CCNJ: variants seen among roughly 807,000 people sequenced by gnomAD.
CCNJ encodes the protein cyclin-J.
In CCNJ, 12 loss-of-function variants were observed where a neutral mutation model predicts 41.4. The observed-to-expected ratio is 0.29, with a 90% CI of 0.19 to 0.47. CCNJ has a LOEUF of 0.47. CCNJ is among the 20% of genes least tolerant of loss of function. The pLI is 1.00. For synonymous variants in CCNJ, 161 were observed against 173.4 expected (o/e 0.93, Z 0.56); for missense variants, 340 against 464.6 (o/e 0.73, Z 2.47).
chr10:96,047,375 G>T (rs1424763600), intron 2 of CCNJ, among the ~76,000 whole-genome samples: 1 of 152,176 alleles, frequency 6.6e-6, no homozygotes, highest in African/African-American at 2.4e-5. Flanking sequence ...GGCCAGGCAT[G>T]GTGGCTCACA....
rs1397694649 is a variant in CCNJ, at chr10:96,058,024, A to C, written c.935A>C (p.Gln312Pro). 1 of 1,614,142 alleles carries C rather than the reference A, an allele frequency of 6.2e-7. No homozygotes were observed. Among genetic ancestry groups the C allele is most frequent in the South Asian group, 1.1e-5 (1 of 91,088 alleles). The change falls in exon 6 of 6, where the codon CAG (glutamine) becomes CCG (proline). Residue 312 changes from glutamine to proline, a missense_variant. Physicochemically the swap from Gln to Pro is moderately conservative, Grantham distance 76. Around this residue, in one of 3 missense-constraint regions of CCNJ, gnomAD observed 159 missense variants for 168.2 expected, o/e 0.95. Coordinates refer to ENST00000465148, the MANE Select transcript of CCNJ (RefSeq NM_001134375.2). ...RHPTSEQPSC[Q>P]QIVSTTHTSS... is the part of the protein sequence containing the mutation. ...CCTACGTCAGAACAACCAAGCTGTC[A>C]GCAGATTGTATCGACCACACACACC...
chr10:96,057,004 G>T lies in CCNJ; in HGVS notation c.580+4G>T. ...TTCCTGGAAGTATCTTTGCAAGGTG[G>T]GTTGTTGTGAATACCAGTAAGTGAC... is the stretch of plus-strand genomic sequence containing the variant. On this transcript the variant is annotated splice_donor_region_variant and intron_variant, in intron 4 of 5. Transcript: ENST00000465148. 6.2e-7 allele frequency: 1 copy of T among 1,613,198 alleles called. No homozygotes were observed. Among genetic ancestry groups the T allele is most frequent in the East Asian group, 2.2e-5 (1 of 44,870 alleles).
upstream of CCNJ, chr10:96,043,295 C>G (rs1165774800): frequency 7.0e-6 from 2 of 286,576 alleles, no homozygotes; most frequent in African/African-American, 2.2e-5. Context: ...CTCCGGCGCT[C>G]TCTGCCGACC....
intron 2 of CCNJ, 32 bp downstream of exon 2, chr10:96,044,494 C>G: frequency 1.4e-6 from 2 of 1,436,968 alleles, no homozygotes; most frequent in South Asian, 2.9e-5. Context: ...CCTTCTCCTT[C>G]TGTGTGTCGC....
At chr10:96,044,001 G>A (rs1049090784) in intron 1 of CCNJ, among the ~76,000 whole-genome samples, 1 of 152,186 alleles carries the variant, frequency 6.6e-6, no homozygotes, top group Non-Finnish European at 1.5e-5. Context: ...GCTCCTCAGG[G>A]AGGGCGGGAG....
rs899860933 is a variant in CCNJ at position 96,056,235 on chromosome 10, G to A, written c.281-466G>A. ...GAGGCAGGAGAATGGCGTGAACCCG[G>A]GAGGTGGAGCTTGCAGTGAGCCGAG... On this transcript the variant is annotated intron_variant, in intron 3 of 5. Coordinates refer to ENST00000465148, the MANE Select transcript of CCNJ (RefSeq NM_001134375.2). Among the ~76,000 whole-genome samples the A allele has an allele frequency of 3.9e-5, 6 of 151,946 alleles. No individual in the cohort carries two copies. The East Asian group carries it at 5.8e-4, about 15-fold the overall frequency.
chr10:96,053,960 T>TA (rs1214387819), intron 3 of CCNJ, among the ~76,000 whole-genome samples: 1 of 152,138 alleles, frequency 6.6e-6, no homozygotes, highest in Non-Finnish European at 1.5e-5. Context: ...TACTTAGTAA[T>TA]AAAAAAATAG....
Position 96,058,370 on chromosome 10 carries a change from G to C in CCNJ, c.*129G>C. The C allele has an allele frequency of 2.8e-6, 2 of 702,846 alleles. No individual in the cohort carries two copies. The highest frequency in any genetic ancestry group is 2.6e-5 in the East Asian group (1 of 38,498). The allele number at this position is 702,846 out of a possible 1,614,324, so 43.5% of individuals were successfully genotyped here. ...CAGAACTCTTCAGGTACCAGCACCA[G>C]GAAGACTGAATATCCTTTTTAATGC... On this transcript the variant is annotated 3_prime_UTR_variant, in exon 6 of 6. Transcript: ENST00000465148.
chr10:96,049,408 G>GT (rs2080454056), intron 2 of CCNJ, among the ~76,000 whole-genome samples: 1 of 149,874 alleles, frequency 6.7e-6, no homozygotes, highest in Non-Finnish European at 1.5e-5. Context: ...CTTTTACTCT[G>GT]TTGATAGCAT....
rs969307887 is a variant in CCNJ, at chr10:96,059,163, G to T, written c.*922G>T. On this transcript the variant is annotated 3_prime_UTR_variant, in exon 6 of 6. Transcript: ENST00000465148. ...TTTTGCATATCTCAGTGCAATCCATGATTTATACTCAGAATCGACATTCTT... is the reference window on the plus strand; with the variant it reads ...TTTTGCATATCTCAGTGCAATCCATTATTTATACTCAGAATCGACATTCTT... 3.3e-5 allele frequency: 5 copies of T among 152,580 alleles called. No homozygotes were observed. Among genetic ancestry groups the T allele is most frequent in the African/African-American group, 1.2e-4 (5 of 41,440 alleles). 9.5% of individuals were successfully genotyped at this position (152,580 alleles called of 1,614,324 possible).
At chr10:96,046,738 A>G (rs1275069330) in intron 2 of CCNJ, among the ~76,000 whole-genome samples, 2 of 152,194 alleles carry the variant, frequency 1.3e-5, no homozygotes, top group East Asian at 1.9e-4. Flanking sequence ...GAAAATGACA[A>G]TGAATGGAAA....
intron 3 of CCNJ, 117 bp downstream of exon 3, chr10:96,050,583 C>G: frequency 1.4e-6 from 1 of 740,322 alleles, no homozygotes; most frequent in African/African-American, 1.8e-5. Context: ...TCACTAGTAT[C>G]AAGAAGCTTA....
chr10:96,050,927 C>T (rs2080503632), intron 3 of CCNJ, among the ~76,000 whole-genome samples: 1 of 152,148 alleles, frequency 6.6e-6, no homozygotes, highest in Admixed American at 6.5e-5. Flanking sequence ...GCATCTAGTA[C>T]ATAGAGGCCT....
At chr10:96,057,727 G>A in intron 5 of CCNJ, 103 bp from the exon 6 acceptor site, 5 of 976,752 alleles carry the variant, frequency 5.1e-6, no homozygotes, top group Middle Eastern at 3.1e-4. Flanking sequence ...TACCTGGGTA[G>A]TGGTGGTGGA....
At chr10:96,052,878 G>C (rs1468346182) in intron 3 of CCNJ, among the ~76,000 whole-genome samples, 2 of 152,172 alleles carry the variant, frequency 1.3e-5, no homozygotes, top group Non-Finnish European at 2.9e-5. Context: ...CTCCTCCCAA[G>C]TAGCAAGTTG....
rs771602499 is a variant in CCNJ, at chr10:96,056,693, C to T, written c.281-8C>T. ...TTTCTCTCCCCTCCCATCCCCTTTTCTTATAAGGTAAATTTGAAGAAAAAG... is the reference window on the plus strand; with the variant it reads ...TTTCTCTCCCCTCCCATCCCCTTTTTTTATAAGGTAAATTTGAAGAAAAAG... On this transcript the variant is annotated splice_polypyrimidine_tract_variant and splice_region_variant and intron_variant, in intron 3 of 5. Coordinates refer to ENST00000465148, the MANE Select transcript of CCNJ (RefSeq NM_001134375.2). The T allele has an allele frequency of 6.4e-7, 1 of 1,573,662 alleles. No homozygotes were observed. Among genetic ancestry groups the T allele is most frequent in the Non-Finnish European group, 8.6e-7 (1 of 1,162,374 alleles).
chr10:96,057,975 C>G lies in CCNJ; in HGVS notation c.886C>G (p.Gln296Glu). The change falls in exon 6 of 6, where the codon CAG (glutamine) becomes GAG (glutamate). Residue 296 changes from glutamine to glutamate, a missense_variant. Coordinates refer to ENST00000465148, the MANE Select transcript of CCNJ (RefSeq NM_001134375.2). ...ACCTCAGTATCTCCATCAGACACAT[C>G]AGACCTCACTGCAGTATCGCCATCC... is the stretch of plus-strand genomic sequence containing the variant. ...QQPQYLHQTHQTSLQYRHPTS... is the reference protein window; with the variant it reads ...QQPQYLHQTHETSLQYRHPTS... 6.2e-7 allele frequency: 1 copy of G among 1,614,192 alleles called. No homozygotes were observed. Among genetic ancestry groups the G allele is most frequent in the Non-Finnish European group, 8.5e-7 (1 of 1,180,042 alleles).
intron 2 of CCNJ, among the ~76,000 whole-genome samples, chr10:96,045,231 A>G (rs2142023270): frequency 6.6e-6 from 1 of 152,362 alleles, no homozygotes; most frequent in East Asian, 1.9e-4. Context: ...AGGCAGATTA[A>G]TGAGACATTT....
intron 2 of CCNJ, 113 bp from the exon 3 acceptor site, chr10:96,050,143 G>GT: frequency 1.3e-6 from 1 of 753,924 alleles, no homozygotes; most frequent in African/African-American, 1.8e-5. Context: ...GTCAAGAAAA[G>GT]TATGTTTTAG....
Sources: gnomAD v4.1 joint callset for allele counts (sites outside exome capture counted in the v4.1 genomes callset) on GRCh38, gnomAD v4.1.1 for gene constraint, gnomAD v4.1.1 regional missense constraint, MANE v1.5 for transcripts, NCBI Gene and HGNC (gene_info 2026-07-23, HGNC 2026-07-21) for gene names.